DDX18: variants seen among roughly 807,000 people sequenced by gnomAD.
DDX18 encodes the protein DEAD-box helicase 18.
DDX18 carries 23 observed loss-of-function variants against 73.5 expected under a neutral mutation model. The ratio of observed to expected loss-of-function variants is 0.31; its 90% CI spans 0.23 to 0.44. The LOEUF (loss-of-function observed/expected upper bound fraction) is 0.44, where lower values mean the gene tolerates loss of function less well. Ranked by LOEUF, DDX18 falls within the 20% of genes least tolerant of loss-of-function variation. The probability of loss-of-function intolerance (pLI) is 1.00; values close to 1 mark genes in which losing one functional copy is unlikely to be tolerated. For synonymous variants in DDX18, 268 were observed against 282.7 expected (o/e 0.95, Z 0.52); for missense variants, 753 against 792.9 (o/e 0.95, Z 0.60).
At chr2:117,825,254 G>A (rs895735482) in intron 9 of DDX18, among the ~76,000 whole-genome samples, 153 bp downstream of exon 9, 1 of 152,152 alleles carries the variant, frequency 6.6e-6, no homozygotes, top group African/African-American at 2.4e-5. Context: ...GCGCTGCTGG[G>A]TGTGGAGGGG....
At chr2:117,827,557 A>G (rs887005810) in intron 11 of DDX18, 3 of 131,932 alleles carry the variant, frequency 2.3e-5, no homozygotes, top group Non-Finnish European at 4.6e-5. Flanking sequence ...CTCATTGTTC[A>G]TTTCCCACCT....
intron 7 of DDX18, among the ~76,000 whole-genome samples, chr2:117,822,935 A>G (rs1235246553): frequency 6.6e-6 from 1 of 152,182 alleles, no homozygotes; most frequent in Admixed American, 6.5e-5. Flanking sequence ...CTCTTTGTAG[A>G]GGCATATATC....
At position 117,817,430 on chromosome 2, in the gene DDX18, G is replaced by A. The variant is rs1258593206; in HGVS notation, c.86-14G>A. Reference sequence around the variant, plus strand: ...CCTTCTTTGTCACAGTATATGTTCTGTTTATTTAAACAGGGGCCTCAAATC... The same window carrying A: ...CCTTCTTTGTCACAGTATATGTTCTATTTATTTAAACAGGGGCCTCAAATC... On this transcript the variant is annotated splice_polypyrimidine_tract_variant and intron_variant, in intron 1 of 13. Coordinates refer to ENST00000263239, the MANE Select transcript of DDX18 (RefSeq NM_006773.4). 2 of 1,586,896 alleles carry A rather than the reference G, an allele frequency of 1.3e-6. No homozygotes were observed. The highest frequency in any genetic ancestry group is 3.7e-5 in the Admixed American group (2 of 53,382).
rs1178132348 is a variant in DDX18 at position 117,826,256 on chromosome 2, T to C, written c.1522-13T>C. ...GTCACTGCGTTAACTCAGATTTTCT[T>C]TCTCCACCAAAGGAATATATTCATC... On this transcript the variant is annotated splice_polypyrimidine_tract_variant and intron_variant, in intron 10 of 13. Coordinates refer to ENST00000263239, the MANE Select transcript of DDX18 (RefSeq NM_006773.4). The C allele has an allele frequency of 6.8e-6, 11 of 1,610,034 alleles. No individual in the cohort carries two copies. The highest frequency in any genetic ancestry group is 9.3e-6 in the Non-Finnish European group (11 of 1,177,418).
intron 1 of DDX18, 135 bp from the exon 2 acceptor site, chr2:117,817,309 T>C: frequency 2.3e-6 from 2 of 864,508 alleles, no homozygotes; most frequent in South Asian, 2.1e-5. Flanking sequence ...CTATAAGTTG[T>C]TTTAATTACA....
chr2:117,830,065 G>GC lies in DDX18; in HGVS notation c.1871-515dup, dbSNP rs1375758499. ...GCTGAAATGAGGCCTGTGCTTCAGT[G>GC]CCATAGGGGTAACTTCTGAGGGAAC... On this transcript the variant is annotated intron_variant, in intron 13 of 13. Coordinates refer to ENST00000263239, the MANE Select transcript of DDX18 (RefSeq NM_006773.4). Among the ~76,000 whole-genome samples the GC allele has an allele frequency of 2.6e-5, 4 of 152,202 alleles. No individual in the cohort carries two copies. In the East Asian group the frequency reaches 7.7e-4, roughly 29 times the overall value.
intron 13 of DDX18, among the ~76,000 whole-genome samples, chr2:117,830,329 G>A (rs769334832): frequency 8.5e-5 from 13 of 152,222 alleles, no homozygotes; most frequent in Non-Finnish European, 1.3e-4. Flanking sequence ...GAATTTCATC[G>A]TGTGGAAGAA....
intron 10 of DDX18, 197 bp downstream of exon 10, chr2:117,825,796 G>T (rs1470896171): frequency 1.8e-6 from 1 of 544,534 alleles, no homozygotes; most frequent in Non-Finnish European, 3.1e-6. Context: ...GGATTGAAAA[G>T]GATCAGTGGG....
chr2:117,828,676 TAGTC>T (rs1178381088), intron 11 of DDX18: 6 of 315,952 alleles, frequency 1.9e-5, no homozygotes, highest in Non-Finnish European at 2.9e-5. Flanking sequence ...TGGTTGCAAA[TAGTC>T]AGGATTATAG....
chr2:117,819,862 A>G, intron 3 of DDX18, 70 bp downstream of exon 3: 1 of 1,369,608 alleles, frequency 7.3e-7, no homozygotes, highest in Non-Finnish European at 9.5e-7. Context: ...TATAGGTTTG[A>G]AGGTTCAGTT....
chr2:117,819,448 G>T (rs1390383151), intron 2 of DDX18, among the ~76,000 whole-genome samples: 1 of 152,102 alleles, frequency 6.6e-6, no homozygotes, highest in East Asian at 1.9e-4. Context: ...AAAAGGTTTT[G>T]TCACCAAGTC....
intron 8 of DDX18, 55 bp from the exon 9 acceptor site, chr2:117,824,885 A>G: frequency 6.5e-7 from 1 of 1,545,070 alleles, no homozygotes; most frequent in African/African-American, 1.4e-5. Context: ...ACAAGTTAGG[A>G]AATGGAAAAT....
At chr2:117,828,695 T>G (rs1679973646) in intron 11 of DDX18, 1 of 428,654 alleles carries the variant, frequency 2.3e-6, no homozygotes, top group Non-Finnish European at 4.2e-6. Context: ...TTATAGAGAT[T>G]CTTACAGAAA....
rs540732123 is a variant in DDX18 at position 117,819,674 on chromosome 2, C to G, written c.396C>G (p.Asn132Lys). The G allele has an allele frequency of 5.6e-4, 880 of 1,582,742 alleles. 7 individuals are homozygous for G. The South Asian group carries it at 9.7e-3, about 18-fold the overall frequency. ...ATACGAAAAAAGCAAAAACTGAAAA[C>G]AAAGGGAAATCTGAAGAAGAAAGTG... is the stretch of plus-strand genomic sequence containing the variant. Reference protein sequence around the residue: ...EPDTKKAKTENKGKSEEESAE... With the variant: ...EPDTKKAKTEKKGKSEEESAE... The change falls in exon 3 of 14, where the codon AAC becomes AAG. Residue 132 changes from asparagine to lysine, a missense_variant. Transcript: ENST00000263239.
At position 117,830,589 on chromosome 2, in the gene DDX18, C is replaced by T. The variant is rs202182603; in HGVS notation, c.1878C>T (p.Asn626=). ...CTTAATGTTTGCCTCCAGACGTCAA[C>T]AGTAATGAAGGCAAGCAGAAAAAGC... ...KVPPFVDLNV[N]SNEGKQKKRG... is the part of the protein sequence containing the mutation. Residue 626 remains asparagine (N), a synonymous_variant, in exon 14 of 14, where the codon AAC becomes AAT. Coordinates refer to ENST00000263239, the MANE Select transcript of DDX18 (RefSeq NM_006773.4). 6.2e-7 allele frequency: 1 copy of T among 1,613,156 alleles called. No homozygotes were observed. Among genetic ancestry groups the T allele is most frequent in the Non-Finnish European group, 8.5e-7 (1 of 1,179,638 alleles).
intron 7 of DDX18, among the ~76,000 whole-genome samples, chr2:117,823,056 A>AT (rs1679872548): frequency 6.6e-6 from 1 of 152,234 alleles, no homozygotes; most frequent in African/African-American, 2.4e-5. Context: ...ACCATTTAAC[A>AT]TTCCTATGAG....
chr2:117,829,551 T>G, intron 13 of DDX18, 85 bp downstream of exon 13: 1 of 1,314,948 alleles, frequency 7.6e-7, no homozygotes, highest in Non-Finnish European at 1.1e-6. Flanking sequence ...AGTGGATTGG[T>G]ATGTGTTCTG....
Position 117,824,695 on chromosome 2 carries a change from A to T in DDX18, c.1193A>T (p.Asp398Val), listed in dbSNP as rs1462479609. 1.4e-6 allele frequency: 2 copies of T among 1,475,972 alleles called. No homozygotes were observed. The highest frequency in any genetic ancestry group is 1.8e-6 in the Non-Finnish European group (2 of 1,113,474). 91.4% of individuals were successfully genotyped at this position (1,475,972 alleles called of 1,614,324 possible). A position where few individuals can be genotyped will look rare whatever the true frequency, so the allele number is the denominator to read the frequency against. Residue 398 changes from aspartate (D) to valine (V), a missense_variant, in exon 8 of 14, where the codon GAT (aspartate) becomes GTT (valine). Transcript: ENST00000263239. ...GATGATAAAGCGAATGCAACAGTGG[A>T]TGGTCTTGAACAGGTACTTTTTATC... ...VDDDKANATV[D>V]GLEQGYVVCP... is the part of the protein sequence containing the mutation.
rs1680030304 is a variant in DDX18, at chr2:117,831,808, G to A, written c.*1084G>A. The A allele has an allele frequency of 6.6e-6, 1 of 152,154 alleles. No homozygotes were observed. The highest frequency in any genetic ancestry group is 2.4e-5 in the African/African-American group (1 of 41,440). 9.4% of individuals were successfully genotyped at this position (152,154 alleles called of 1,614,324 possible). On this transcript the variant is annotated 3_prime_UTR_variant, in exon 14 of 14. Transcript: ENST00000263239. ...TAGTCAGATGAGTTTTTCGTTGTAG[G>A]AGCACTTGATTTCTAGTGTGTTTTG...
Sources: allele counts gnomAD v4.1 joint callset (sites outside exome capture counted in the v4.1 genomes callset), GRCh38; gene constraint gnomAD v4.1.1; transcripts MANE v1.5; gene names NCBI Gene and HGNC (gene_info 2026-07-23, HGNC 2026-07-21).